TTF2: variants seen among roughly 807,000 people sequenced by gnomAD.
TTF2 encodes the protein transcription termination factor 2, also known as RNA polymerase II termination factor.
In TTF2, 108 loss-of-function variants were observed where a neutral mutation model predicts 142.4. The observed-to-expected ratio is 0.76, with a 90% confidence interval of 0.65 to 0.89. The LOEUF (loss-of-function observed/expected upper bound fraction) is 0.89, where lower values mean the gene tolerates loss of function less well. TTF2 is among the 40% of genes least tolerant of loss of function. The pLI, the probability that TTF2 is intolerant of heterozygous loss-of-function variation, is 0.00. For missense variants in TTF2, 1,327 were observed against 1,379.8 expected, an observed-to-expected ratio of 0.96 and a Z score of 0.61; for synonymous variants, 483 against 506.2, an observed-to-expected ratio of 0.95 and a Z score of 0.61.
At chr1:117,062,636 C>T (rs1243648904) in intron 3 of TTF2, among the ~76,000 whole-genome samples, 163 bp downstream of exon 3, 1 of 151,912 alleles carries the variant, frequency 6.6e-6, no homozygotes, top group East Asian at 1.9e-4. Flanking sequence ...ACCTAAATAC[C>T]AAGCAGCTAG....
In TTF2 at chr1:117,076,870, G is replaced by A; in HGVS notation, c.1573+47G>A. 1 of 1,544,340 alleles carries A rather than the reference G, an allele frequency of 6.5e-7. No individual in the cohort carries two copies. Among genetic ancestry groups the A allele is most frequent in the South Asian group, 1.2e-5 (1 of 81,476 alleles). ...CTGCTGTGAATAGCCACCCCTGTGA[G>A]TTACGTGCCACCCGGTACAGTAGTC... On this transcript the variant is annotated intron_variant, in intron 7 of 22. Transcript: ENST00000369466. The surrounding 1 kb of genome is among the most constrained non-coding windows in gnomAD (Gnocchi z 4.6).
In TTF2 at chr1:117,075,666, T is replaced by C; in HGVS notation, c.1082T>C (p.Phe361Ser). 6.2e-7 allele frequency: 1 copy of C among 1,614,142 alleles called. No individual in the cohort carries two copies. Among genetic ancestry groups the C allele is most frequent in the Middle Eastern group, 1.6e-4 (1 of 6,062 alleles). ...SDDEEEDDVV[F>S]VSSKPGSPLL... ...GACGAGGAGGAAGATGATGTTGTTT[T>C]TGTTTCCTCTAAGCCTGGGAGCCCC... Residue 361 changes from phenylalanine (F) to serine (S), a missense_variant, in exon 5 of 23, where the codon TTT (phenylalanine) becomes TCT (serine). Physicochemically the swap from Phe to Ser is radical, Grantham distance 155. Transcript: ENST00000369466. The surrounding 1 kb of genome is among the most constrained non-coding windows in gnomAD (Gnocchi z 4.5).
At position 117,090,750 on chromosome 1, in the gene TTF2, C is replaced by T. The variant is rs1570864667; in HGVS notation, c.2588+127C>T. The T allele has an allele frequency of 2.1e-5, 13 of 614,858 alleles. No homozygotes were observed. Among genetic ancestry groups the T allele is most frequent in the Non-Finnish European group, 2.6e-5 (10 of 386,140 alleles). The allele number at this position is 614,858 out of a possible 1,614,324, so 38.1% of individuals were successfully genotyped here. A position where few individuals can be genotyped will look rare whatever the true frequency, so the allele number is the denominator to read the frequency against. ...TTGATTAGTTGGATGTCTGTATTCC[C>T]TTTTTTTTTTTACCCCATTTTTCTC... is the stretch of plus-strand genomic sequence containing the variant. On this transcript the variant is annotated intron_variant, in intron 15 of 22. Coordinates refer to ENST00000369466, the MANE Select transcript of TTF2 (RefSeq NM_003594.4). The surrounding 1 kb of genome is among the most constrained non-coding windows in gnomAD (Gnocchi z 4.8).
In TTF2 at chr1:117,087,924, A is replaced by C. The variant is rs140044544; in HGVS notation, c.2161-877A>C. Among the ~76,000 whole-genome samples the C allele has an allele frequency of 1.3e-5, 2 of 152,182 alleles. No homozygotes were observed. Among genetic ancestry groups the C allele is most frequent in the Non-Finnish European group, 2.9e-5 (2 of 68,032 alleles). On this transcript the variant is annotated intron_variant, in intron 12 of 22. Coordinates refer to ENST00000369466, the MANE Select transcript of TTF2 (RefSeq NM_003594.4). This position sits in a 1 kb window ranked among gnomAD's most constrained non-coding sequence, Gnocchi z 4.8. ...CTTCAGCAGACGTTGAGTATCCACT[A>C]TGGGTCAGGTGCTGTTTCGTCAAGA...
intron 13 of TTF2, among the ~76,000 whole-genome samples, chr1:117,089,832 G>A (rs1379554509): frequency 6.6e-6 from 1 of 152,146 alleles, no homozygotes; most frequent in African/African-American, 2.4e-5. Flanking sequence ...CGTAGGCATC[G>A]TTAATAGGAA....
At chr1:117,066,952 C>T (rs1656190146) in intron 3 of TTF2, among the ~76,000 whole-genome samples, 1 of 152,148 alleles carries the variant, frequency 6.6e-6, no homozygotes, top group South Asian at 2.1e-4. Context: ...GTCTGCCTGC[C>T]TCAGCCTCCC....
Position 117,097,490 on chromosome 1 carries a change from T to A in TTF2, c.3269+57T>A. Reference sequence around the variant, plus strand: ...CAGCACATCAAGGAGGCCAGTGGGCTACAGGGGCAGCAAGAACTGACTTCT... The same window carrying A: ...CAGCACATCAAGGAGGCCAGTGGGCAACAGGGGCAGCAAGAACTGACTTCT... On this transcript the variant is annotated intron_variant, in intron 21 of 22. Coordinates refer to ENST00000369466, the MANE Select transcript of TTF2 (RefSeq NM_003594.4). This position sits in a 1 kb window ranked among gnomAD's most constrained non-coding sequence, Gnocchi z 4.1. The A allele has an allele frequency of 6.6e-7, 1 of 1,517,676 alleles. No individual in the cohort carries two copies. The allele number at this position is 1,517,676 out of a possible 1,614,324, so 94.0% of individuals were successfully genotyped here. A position where few individuals can be genotyped will look rare whatever the true frequency, so the allele number is the denominator to read the frequency against.
chr1:117,068,267 TATCCTTCTGAGCAAACTATC>T (rs1234851070), intron 3 of TTF2, among the ~76,000 whole-genome samples: 2 of 152,202 alleles, frequency 1.3e-5, no homozygotes, highest in African/African-American at 4.8e-5. Flanking sequence ...TTGGTTGTGG[TATCCTTCTGAGCAAACTATC>T]ACAAGGACAG....
chr1:117,083,895 T>G, intron 10 of TTF2, 123 bp from the exon 11 acceptor site: 10 of 1,176,152 alleles, frequency 8.5e-6, no homozygotes, highest in African/African-American at 1.5e-5. Flanking sequence ...GAGGATCACT[T>G]GAGCCTAGGA....
rs117608904 is a variant in TTF2 at position 117,097,534 on chromosome 1, C to T, written c.3269+101C>T. 312 of 1,076,184 alleles carry T rather than the reference C, an allele frequency of 2.9e-4. 1 individual carries two copies. The East Asian group carries it at 5.6e-3, about 19-fold the overall frequency. The allele number at this position is 1,076,184 out of a possible 1,614,324, so 66.7% of individuals were successfully genotyped here. A position where few individuals can be genotyped will look rare whatever the true frequency, so the allele number is the denominator to read the frequency against. ...GACTTCTTATGTTGATTGCTGTGTT[C>T]GTATTGCAGAGATGCCTTGCTTTGT... is the stretch of plus-strand genomic sequence containing the variant. On this transcript the variant is annotated intron_variant, in intron 21 of 22. Coordinates refer to ENST00000369466, the MANE Select transcript of TTF2 (RefSeq NM_003594.4). This position sits in a 1 kb window ranked among gnomAD's most constrained non-coding sequence, Gnocchi z 4.1.
Position 117,091,797 on chromosome 1 carries a change from C to A in TTF2, c.2672-20C>A. The A allele has an allele frequency of 6.2e-7, 1 of 1,611,288 alleles. No homozygotes were observed. Among genetic ancestry groups the A allele is most frequent in the Non-Finnish European group, 8.5e-7 (1 of 1,178,268 alleles). On this transcript the variant is annotated intron_variant, in intron 16 of 22. Transcript: ENST00000369466. ...TTTTAAATCCTGTACCATCCTGTGG[C>A]TTGTCTTCCCTCTTGGAAGTGGCAC...
rs1408922612 is a variant in TTF2, at chr1:117,093,812, A to G, written c.2976+911A>G. Among the ~76,000 whole-genome samples the G allele has an allele frequency of 1.3e-5, 2 of 152,214 alleles. No homozygotes were observed. The highest frequency in any genetic ancestry group is 2.9e-5 in the Non-Finnish European group (2 of 68,040). On this transcript the variant is annotated intron_variant, in intron 18 of 22. Coordinates refer to ENST00000369466, the MANE Select transcript of TTF2 (RefSeq NM_003594.4). The surrounding 1 kb of genome is among the most constrained non-coding windows in gnomAD (Gnocchi z 4.5). ...TTCCTTGTTTAATTAAATGCAGGTA[A>G]TATTTATTCACAAGTTTTCTTAACA...
chr1:117,090,983 T>C lies in TTF2; in HGVS notation c.2589-345T>C, dbSNP rs1289669. Among the ~76,000 whole-genome samples, 134,149 of 152,186 alleles carry C rather than the reference T, an allele frequency of 0.88. 59,511 individuals are homozygous for C. The highest frequency in any genetic ancestry group is 1 in the East Asian group (5,185 of 5,186). On this transcript the variant is annotated intron_variant, in intron 15 of 22. Transcript: ENST00000369466. This position sits in a 1 kb window ranked among gnomAD's most constrained non-coding sequence, Gnocchi z 4.8. ...GCATCTCACCGGAACTTTAAGAAGA[T>C]GACTTTGTAATCCTTTGTGTCATCT...
At chr1:117,061,994 G>A (rs3767773) in intron 2 of TTF2, among the ~76,000 whole-genome samples, 13,746 of 152,212 alleles carry the variant, frequency 0.09, 837 homozygotes, top group South Asian at 0.16. Flanking sequence ...AGAGGTAGGC[G>A]TGTGAATAAC....
At chr1:117,077,825 A>G (rs1458399783) in intron 7 of TTF2, 91 bp from the exon 8 acceptor site, 2 of 1,529,644 alleles carry the variant, frequency 1.3e-6, no homozygotes, top group East Asian at 4.6e-5. Context: ...GGTAAGAAAC[A>G]GATACAGGGC....
Position 117,090,606 on chromosome 1 carries a change from G to GT in TTF2, c.2577dup (p.Ala860CysfsTer15). 4.3e-6 allele frequency: 7 copies of GT among 1,613,858 alleles called. No homozygotes were observed. Among genetic ancestry groups the GT allele is most frequent in the Non-Finnish European group, 5.9e-6 (7 of 1,179,932 alleles). Reference sequence around the variant, plus strand: ...AAGATGAAGAGACTGTTTACAATGTGTTTTTTGCAAGATCAAGGTGTGTGT... The same window carrying GT: ...AAGATGAAGAGACTGTTTACAATGTGTTTTTTTGCAAGATCAAGGTGTGTGT... On this transcript the variant is annotated frameshift_variant, in exon 15 of 23. Coordinates refer to ENST00000369466, the MANE Select transcript of TTF2 (RefSeq NM_003594.4). LOFTEE classifies it high-confidence loss of function. This position sits in a 1 kb window ranked among gnomAD's most constrained non-coding sequence, Gnocchi z 4.8.
chr1:117,081,403 GGGAATGGAAGGCTATT>G (rs1214329710), intron 9 of TTF2, among the ~76,000 whole-genome samples: 28 of 152,186 alleles, frequency 1.8e-4, no homozygotes, highest in African/African-American at 6.5e-4. Context: ...AATAAGTTAA[GGGAATGGAAGGCTATT>G]TTAACTCCAG....
chr1:117,102,838 TAATA>T lies in TTF2; in HGVS notation c.*1320_*1323del, dbSNP rs1649692491. 6.6e-6 allele frequency: 1 copy of T among 152,336 alleles called. No homozygotes were observed. Among genetic ancestry groups the T allele is most frequent in the East Asian group, 1.9e-4 (1 of 5,190 alleles). 9.4% of individuals were successfully genotyped at this position (152,336 alleles called of 1,614,324 possible). On this transcript the variant is annotated 3_prime_UTR_variant, in exon 23 of 23. Coordinates refer to ENST00000369466, the MANE Select transcript of TTF2 (RefSeq NM_003594.4). ...TACTAACAGTAGTATTGATACAATC[TAATA>T]AATAATGTGTTTGACAGTGTAGCAG...
intron 18 of TTF2, among the ~76,000 whole-genome samples, chr1:117,094,127 C>G (rs889489355): frequency 3.3e-5 from 5 of 152,172 alleles, no homozygotes; most frequent in African/African-American, 1.2e-4. Flanking sequence ...CACTTCCTGC[C>G]TAGGCACCAG....
Sources: gnomAD v4.1 joint callset for allele counts (sites outside exome capture counted in the v4.1 genomes callset) on GRCh38, gnomAD v4.1.1 for gene constraint, Gnocchi (gnomAD v3.1) non-coding constraint, MANE v1.5 for transcripts, NCBI Gene and HGNC (gene_info 2026-07-23, HGNC 2026-07-21) for gene names.